ZGPAT: variants seen among roughly 807,000 people sequenced by gnomAD.
ZGPAT encodes the protein zinc finger CCCH-type and G-patch domain containing, also known as zinc finger CCCH-type with G patch domain-containing protein.
ZGPAT carries 39 observed loss-of-function variants against 47.9 expected under a neutral mutation model. The observed-to-expected ratio is 0.81, with a 90% CI of 0.63 to 1.06. The LOEUF (loss-of-function observed/expected upper bound fraction) is 1.06, where lower values mean the gene tolerates loss of function less well. ZGPAT is among the 50% of genes least tolerant of loss of function. ZGPAT has a pLI of 0.00. For synonymous variants in ZGPAT, 348 were observed against 292.9 expected (o/e 1.19, Z -1.92); for missense variants, 717 against 681.4 (o/e 1.05, Z -0.58).
chr20:63,734,445 C>T lies in ZGPAT; in HGVS notation c.872-260C>T, dbSNP rs2091955893. Reference sequence around the variant, plus strand: ...GGAGAGGGCTGCGGAGGAGGGGCCACGGTGCAGCAGGCCGTGGGGACTGCC... The same window carrying T: ...GGAGAGGGCTGCGGAGGAGGGGCCATGGTGCAGCAGGCCGTGGGGACTGCC... On this transcript the variant is annotated intron_variant, in intron 4 of 6. Coordinates refer to ENST00000355969, the MANE Select transcript of ZGPAT (RefSeq NM_181485.3). 2.0e-5 allele frequency: 12 copies of T among 592,316 alleles called. 1 individual carries two copies. Among genetic ancestry groups the T allele is most frequent in the Middle Eastern group, 9.8e-4 (2 of 2,034 alleles). The allele number at this position is 592,316 out of a possible 1,614,324, so 36.7% of individuals were successfully genotyped here.
chr20:63,725,199 T>C (rs2091832511), intron 2 of ZGPAT, among the ~76,000 whole-genome samples: 1 of 152,192 alleles, frequency 6.6e-6, no homozygotes, highest in Admixed American at 6.5e-5. Context: ...TTAGCCAGGA[T>C]GGTCTTGATC....
At chr20:63,710,498 T>C (rs1219043226) in intron 2 of ZGPAT, among the ~76,000 whole-genome samples, 1 of 152,186 alleles carries the variant, frequency 6.6e-6, no homozygotes, top group South Asian at 2.1e-4. Flanking sequence ...AATTTTACTT[T>C]CATGGAGATT....
At chr20:63,708,507 G>C in intron 1 of ZGPAT, 46 bp from the exon 2 acceptor site, 2 of 1,408,590 alleles carry the variant, frequency 1.4e-6, no homozygotes, top group East Asian at 4.8e-5. Context: ...TCAGGCTGTG[G>C]GGTCGGTCCC....
intron 2 of ZGPAT, among the ~76,000 whole-genome samples, chr20:63,714,445 AAGT>A (rs2091705185): frequency 6.6e-6 from 1 of 151,106 alleles, no homozygotes; most frequent in Non-Finnish European, 1.5e-5. Flanking sequence ...AAAAAAAAAA[AAGT>A]GGCTAGAACA....
At chr20:63,712,445 T>C in intron 2 of ZGPAT, among the ~76,000 whole-genome samples, 1 of 152,244 alleles carries the variant, frequency 6.6e-6, no homozygotes, top group Admixed American at 6.5e-5. Flanking sequence ...CACCATTTGC[T>C]CCTCTTTTTC....
Position 63,735,468 on chromosome 20 carries a change from C to A in ZGPAT, c.1301C>A (p.Ala434Asp). 1 of 1,560,492 alleles carries A rather than the reference C, an allele frequency of 6.4e-7. No individual in the cohort carries two copies. ...MYHASKSAKRALSLRLFQTEE... is the reference protein window; with the variant it reads ...MYHASKSAKRDLSLRLFQTEE... ...CATGCCAGCAAGAGTGCCAAGCGGG[C>A]CCTGAGCCTGCGGCTCTTCCAGACT... Residue 434 changes from alanine (A) to aspartate (D), a missense_variant, in exon 6 of 7, where the codon GCC becomes GAC. Physicochemically the swap from Ala to Asp is moderately radical, Grantham distance 126 (BLOSUM62 -2). Coordinates refer to ENST00000355969, the MANE Select transcript of ZGPAT (RefSeq NM_181485.3).
At chr20:63,724,673 ATTTT>A (rs34414685) in intron 2 of ZGPAT, among the ~76,000 whole-genome samples, 26 of 137,442 alleles carry the variant, frequency 1.9e-4, no homozygotes, top group East Asian at 2.2e-4. Flanking sequence ...TTCATTTAGA[ATTTT>A]TTTTTTTTTT....
In ZGPAT at chr20:63,708,573, C is replaced by T. The variant is rs866417999; in HGVS notation, c.-8C>T. The T allele has an allele frequency of 3.8e-6, 6 of 1,579,914 alleles. No homozygotes were observed. Among genetic ancestry groups the T allele is most frequent in the South Asian group, 2.3e-5 (2 of 88,446 alleles). On this transcript the variant is annotated 5_prime_UTR_variant, in exon 2 of 7. Coordinates refer to ENST00000355969, the MANE Select transcript of ZGPAT (RefSeq NM_181485.3). ...TGCAGCCCTGGTCCAGCGCCTCCCT[C>T]TCTCAGCATGGACGAGGAGAGCCTG...
intron 2 of ZGPAT, among the ~76,000 whole-genome samples, chr20:63,731,148 A>G (rs1224205934): frequency 6.6e-6 from 1 of 152,170 alleles, no homozygotes; most frequent in Non-Finnish European, 1.5e-5. Context: ...TGGCCTGTGC[A>G]GTAGTGAGGC....
At chr20:63,722,890 C>T (rs935027241) in intron 2 of ZGPAT, among the ~76,000 whole-genome samples, 7 of 152,190 alleles carry the variant, frequency 4.6e-5, no homozygotes, top group African/African-American at 1.7e-4. Context: ...CTTGGCCTCC[C>T]AAAGTGCTGG....
intron 2 of ZGPAT, among the ~76,000 whole-genome samples, chr20:63,717,830 G>A (rs1320521911): frequency 6.6e-6 from 1 of 152,102 alleles, no homozygotes; most frequent in Non-Finnish European, 1.5e-5. Flanking sequence ...ATCACCTAAG[G>A]TCAGGAGTTC....
chr20:63,727,925 T>C (rs578191377), intron 2 of ZGPAT, among the ~76,000 whole-genome samples: 1 of 152,266 alleles, frequency 6.6e-6, no homozygotes, highest in South Asian at 2.1e-4. Flanking sequence ...TTCTGAGTTG[T>C]TTTCCTGAGT....
intron 2 of ZGPAT, among the ~76,000 whole-genome samples, chr20:63,719,652 C>G (rs550746955): frequency 6.6e-6 from 1 of 151,762 alleles, no homozygotes; most frequent in African/African-American, 2.4e-5. Flanking sequence ...TACTAGTATT[C>G]TCTATTTGGT....
intron 2 of ZGPAT, among the ~76,000 whole-genome samples, chr20:63,732,192 TGGGTGC>T (rs2091912509): frequency 1.3e-5 from 2 of 150,876 alleles, no homozygotes; most frequent in African/African-American, 2.4e-5. Context: ...TGTGCATGTG[TGGGTGC>T]GGGTGCATCT....
At chr20:63,733,804 G>A (rs557455233) in intron 4 of ZGPAT, 65 bp downstream of exon 4, 34 of 1,549,346 alleles carry the variant, frequency 2.2e-5, no homozygotes, top group South Asian at 4.9e-5. Flanking sequence ...GCTCCTGGCC[G>A]GTGAGGGCAC....
At chr20:63,710,548 C>T (rs1005763179) in intron 2 of ZGPAT, among the ~76,000 whole-genome samples, 3 of 152,164 alleles carry the variant, frequency 2.0e-5, no homozygotes, top group Admixed American at 6.6e-5. Context: ...GCATAATCAC[C>T]GCCCACGGTC....
At chr20:63,723,463 C>A (rs1234837277) in intron 2 of ZGPAT, among the ~76,000 whole-genome samples, 1 of 147,568 alleles carries the variant, frequency 6.8e-6, no homozygotes, top group Admixed American at 6.8e-5. Context: ...CTCCATCCTC[C>A]CTTCTCCTCT....
chr20:63,708,300 G>A, intron 1 of ZGPAT, 182 bp downstream of exon 1: 1 of 222,108 alleles, frequency 4.5e-6, no homozygotes. Context: ...GGCGGAGGGT[G>A]AGGCGGCGGG....
intron 2 of ZGPAT, among the ~76,000 whole-genome samples, 186 bp downstream of exon 2, chr20:63,709,350 G>A (rs1273659939): frequency 1.3e-5 from 2 of 152,160 alleles, no homozygotes; most frequent in Non-Finnish European, 2.9e-5. Context: ...AAGAAGCATG[G>A]AAGGAGGCCA....
Sources: gnomAD v4.1 joint callset for allele counts (sites outside exome capture counted in the v4.1 genomes callset) on GRCh38, gnomAD v4.1.1 for gene constraint, MANE v1.5 for transcripts, NCBI Gene and HGNC (gene_info 2026-07-23, HGNC 2026-07-21) for gene names.